CCDC7: variants seen among roughly 807,000 people sequenced by gnomAD.
CCDC7 encodes the protein coiled-coil domain-containing protein 7.
CCDC7 carries 183 observed loss-of-function variants against 196.9 expected under a neutral mutation model. The observed-to-expected ratio is 0.93, with a 90% CI of 0.82 to 1.05. The LOEUF (loss-of-function observed/expected upper bound fraction) is 1.05. CCDC7 is among the 50% of genes least tolerant of loss of function. CCDC7 has a pLI of 0.00. For synonymous variants in CCDC7, 525 were observed against 484.6 expected (o/e 1.08, Z -1.10); for missense variants, 1,540 against 1,482.2 (o/e 1.04, Z -0.64).
rs374202534 is a variant in CCDC7 at position 32,511,783 on chromosome 10, G to A, written c.873-6162G>A. 8.8e-5 allele frequency: 123 copies of A among 1,401,236 alleles called. No individual in the cohort carries two copies. In the African/African-American group the frequency reaches 1.4e-3, roughly 16 times the overall value. 86.8% of individuals were successfully genotyped at this position (1,401,236 alleles called of 1,614,324 possible). ...CTTCGACTCCAGCCTCCCGGAAAGCGGTCGGGCAACGATGACGACAATGAC... is the reference window on the plus strand; with the variant it reads ...CTTCGACTCCAGCCTCCCGGAAAGCAGTCGGGCAACGATGACGACAATGAC... On this transcript the variant is annotated intron_variant, in intron 9 of 41. Coordinates refer to ENST00000639629, the Ensembl canonical transcript of CCDC7.
At chr10:32,498,906 G>A (rs1055941534) in intron 9 of CCDC7, among the ~76,000 whole-genome samples, 5 of 150,712 alleles carry the variant, frequency 3.3e-5, no homozygotes, top group Non-Finnish European at 7.4e-5. Context: ...CGTGTTCTCT[G>A]TATTTCCTGA....
At chr10:32,517,892 A>G (rs2047290492) in intron 9 of CCDC7, 53 bp from the exon 11 acceptor site, 2 of 1,558,208 alleles carry the variant, frequency 1.3e-6, no homozygotes, top group Non-Finnish European at 1.7e-6. Flanking sequence ...TGTTTCATAA[A>G]TTAAAATATA....
intron 28 of CCDC7, among the ~76,000 whole-genome samples, chr10:32,752,670 C>A (rs978069975): frequency 6.6e-6 from 1 of 152,104 alleles, no homozygotes; most frequent in African/African-American, 2.4e-5. Flanking sequence ...GAAAAGTTTG[C>A]TTCTCAATGT....
intron 30 of CCDC7, among the ~76,000 whole-genome samples, chr10:32,813,067 C>A (rs989296611): frequency 6.6e-6 from 1 of 151,814 alleles, no homozygotes; most frequent in South Asian, 2.1e-4. Context: ...TTACATTATT[C>A]ATGTATTCAC....
chr10:32,757,068 T>A (rs1378731300), intron 28 of CCDC7, among the ~76,000 whole-genome samples: 1 of 152,144 alleles, frequency 6.6e-6, no homozygotes. Context: ...TAAATATATA[T>A]GCACCCAATA....
intron 28 of CCDC7, among the ~76,000 whole-genome samples, chr10:32,732,722 T>A (rs559250040): frequency 6.6e-6 from 1 of 152,138 alleles, no homozygotes; most frequent in African/African-American, 2.4e-5. Context: ...GAAAGAAAGA[T>A]AGAGATTTCT....
chr10:32,560,944 C>A (rs2055454626), intron 13 of CCDC7, among the ~76,000 whole-genome samples: 1 of 151,948 alleles, frequency 6.6e-6, no homozygotes, highest in Non-Finnish European at 1.5e-5. Context: ...TGCAGAGACA[C>A]ACAGGCTCAA....
chr10:32,704,698 C>G (rs2079389830), intron 24 of CCDC7, among the ~76,000 whole-genome samples: 1 of 152,152 alleles, frequency 6.6e-6, no homozygotes, highest in African/African-American at 2.4e-5. Context: ...CTACTCAAGC[C>G]TCAGCAATGG....
At position 32,466,767 on chromosome 10, in the gene CCDC7, A is replaced by G. The variant is rs1430931087; in HGVS notation, c.510+3718A>G. Among the ~76,000 whole-genome samples, 3 of 151,748 alleles carry G rather than the reference A, an allele frequency of 2.0e-5. No homozygotes were observed. The East Asian group carries it at 5.8e-4, about 29-fold the overall frequency. On this transcript the variant is annotated intron_variant, in intron 5 of 41. Transcript: ENST00000639629. ...ACGTGTCTTTATGATAGGATGATTT[A>G]TTTTCCCTTGGGTATATACCCAGTA... is the stretch of plus-strand genomic sequence containing the variant.
At chr10:32,848,865 T>C (rs1175051190) in intron 39 of CCDC7, 147 bp downstream of exon 40, 1 of 679,616 alleles carries the variant, frequency 1.5e-6, no homozygotes, top group East Asian at 2.8e-5. Context: ...AATAAAATGG[T>C]TTTAATTCAT....
chr10:32,691,270 A>G (rs1386273883), intron 23 of CCDC7, among the ~76,000 whole-genome samples: 1 of 152,196 alleles, frequency 6.6e-6, no homozygotes, highest in Non-Finnish European at 1.5e-5. Flanking sequence ...TTCTGGATTT[A>G]GTAGGGCTAT....
chr10:32,612,181 A>G (rs191977640), intron 18 of CCDC7, among the ~76,000 whole-genome samples: 91 of 152,176 alleles, frequency 6.0e-4, no homozygotes, highest in South Asian at 6.2e-4. Context: ...CTTTGTAGCA[A>G]TTGTGAATGG....
At chr10:32,443,501 C>T (rs147216542), upstream of CCDC7, among the ~76,000 whole-genome samples, 10 of 152,240 alleles carry the variant, frequency 6.6e-5, no homozygotes, top group East Asian at 1.9e-3. Flanking sequence ...AGGTATGGCA[C>T]GAGGCAGGGG....
intron 11 of CCDC7, among the ~76,000 whole-genome samples, chr10:32,542,675 C>T (rs1377293484): frequency 6.7e-6 from 1 of 148,426 alleles, no homozygotes; most frequent in Non-Finnish European, 1.5e-5. Flanking sequence ...CTTTCTCCAT[C>T]TACCTTGGTT....
chr10:32,679,113 A>T (rs1227007714), intron 21 of CCDC7, among the ~76,000 whole-genome samples: 1 of 152,224 alleles, frequency 6.6e-6, no homozygotes, highest in Non-Finnish European at 1.5e-5. Flanking sequence ...GATAATTAGA[A>T]AATAAAAGTA....
intron 20 of CCDC7, among the ~76,000 whole-genome samples, chr10:32,658,958 TTTTG>T (rs2070622242): frequency 6.6e-6 from 1 of 152,142 alleles, no homozygotes; most frequent in Non-Finnish European, 1.5e-5. Context: ...ATTTTGCCAA[TTTTG>T]TTTATCCTTT....
intron 11 of CCDC7, among the ~76,000 whole-genome samples, chr10:32,520,274 G>GT (rs977113409): frequency 1.4e-4 from 22 of 152,116 alleles, no homozygotes; most frequent in African/African-American, 5.1e-4. Context: ...TCTATTTTTA[G>GT]TTTTTTGAGC....
chr10:32,630,431 A>G (rs891159484), intron 18 of CCDC7, among the ~76,000 whole-genome samples: 2 of 152,056 alleles, frequency 1.3e-5, no homozygotes, highest in Non-Finnish European at 1.5e-5. Context: ...CTTCCTTAAT[A>G]TAAGGTGCTG....
At chr10:32,699,751 T>C (rs2078340950) in intron 24 of CCDC7, among the ~76,000 whole-genome samples, 2 of 149,520 alleles carry the variant, frequency 1.3e-5, no homozygotes, top group Admixed American at 1.3e-4. Context: ...TCATTCTAAC[T>C]GGTGTGAGAT....
Sources: allele counts gnomAD v4.1 joint callset (sites outside exome capture counted in the v4.1 genomes callset), GRCh38; gene constraint gnomAD v4.1.1; transcripts MANE v1.5; gene names NCBI Gene and HGNC (gene_info 2026-07-23, HGNC 2026-07-21).